The following NOX3 variants were observed in gnomAD, a reference collection of about 807,000 sequenced individuals.
NOX3 encodes NADPH oxidase 3.
Under a neutral mutation model 76.7 loss-of-function variants are expected in NOX3, and 74 were observed. The observed-to-expected ratio is 0.96, with a 90% CI of 0.80 to 1.17. NOX3 has a LOEUF of 1.17. Among genes scored for constraint, NOX3 ranks in the 50% most tolerant of loss-of-function variants. The probability of loss-of-function intolerance (pLI) is 0.00; values close to 1 mark genes in which losing one functional copy is unlikely to be tolerated. For synonymous variants in NOX3, 263 were observed against 261.1 expected (o/e 1.01, Z -0.07); for missense variants, 695 against 703.3 (o/e 0.99, Z 0.13).
intron 11 of NOX3, among the ~76,000 whole-genome samples, chr6:155,407,776 C>T (rs535461351): frequency 3.7e-4 from 56 of 152,256 alleles, no homozygotes; most frequent in Non-Finnish European, 5.6e-4. Context: ...TGTCCAGTTT[C>T]AAGTGCTGGG....
At chr6:155,442,886 T>C (rs1228790385) in intron 5 of NOX3, among the ~76,000 whole-genome samples, 1 of 152,192 alleles carries the variant, frequency 6.6e-6, no homozygotes, top group Non-Finnish European at 1.5e-5. Flanking sequence ...AATGAAGACA[T>C]CCAATTTATA....
At position 155,420,028 on chromosome 6, in the gene NOX3, A is replaced by G. The variant is rs185801798; in HGVS notation, c.1308+2666T>C. Among the ~76,000 whole-genome samples the G allele has an allele frequency of 5.5e-3, 831 of 151,704 alleles. 8 individuals carry two copies. Among genetic ancestry groups the G allele is most frequent in the African/African-American group, 0.019 (791 of 41,418 alleles). On this transcript the variant is annotated intron_variant, in intron 10 of 13. Transcript: ENST00000159060. ...TATAGTTATCACATGTTGTATGTGT[A>G]TATATATATATGTATGAAGATATCC... is the stretch of plus-strand genomic sequence containing the variant.
chr6:155,415,352 A>G (rs796202227), intron 10 of NOX3, among the ~76,000 whole-genome samples: 19 of 152,368 alleles, frequency 1.2e-4, no homozygotes, highest in African/African-American at 4.6e-4. Context: ...CTTTCAGGCG[A>G]TTACATCTCC....
chr6:155,430,108 C>T (rs1776812946), intron 8 of NOX3, among the ~76,000 whole-genome samples: 1 of 152,184 alleles, frequency 6.6e-6, no homozygotes, highest in African/African-American at 2.4e-5. Flanking sequence ...ATTGTATTAG[C>T]AAAGTGGGAT....
rs73792892 is a variant in NOX3 at position 155,454,334 on chromosome 6, A to C, written c.255+477T>G. ...TGCTATTTTGTTTGACAGGAAGCAC[A>C]GGTAAGTTCCCAACACAGTGAAATC... On this transcript the variant is annotated intron_variant, in intron 3 of 13. Transcript: ENST00000159060. 9.8e-3 allele frequency among the ~76,000 whole-genome samples: 1,498 copies of C among 152,348 alleles called. 25 individuals carry two copies. The highest frequency in any genetic ancestry group is 0.035 in the African/African-American group (1,445 of 41,584).
intron 7 of NOX3, among the ~76,000 whole-genome samples, chr6:155,434,029 C>T (rs557144084): frequency 1.3e-5 from 2 of 152,302 alleles, no homozygotes; most frequent in Admixed American, 1.3e-4. Context: ...ACTTTCACTC[C>T]TGGTTTTTCA....
rs773335268 is a variant in NOX3, at chr6:155,411,334, A to G, written c.1335T>C (p.Asp445=). 77 of 1,613,838 alleles carry G rather than the reference A, an allele frequency of 4.8e-5. No individual in the cohort carries two copies. The highest frequency in any genetic ancestry group is 3.3e-4 in the Middle Eastern group (2 of 6,082). The change falls in exon 11 of 14, where the codon GAT becomes GAC. Residue 445 remains aspartate, a synonymous_variant. Coordinates refer to ENST00000159060, the MANE Select transcript of NOX3 (RefSeq NM_015718.3). ...CAGCAAACCACTCAAAAGCTCTTGC[A>G]TCCCGGCAAATCCAGTAGAAATACA... is the stretch of plus-strand genomic sequence containing the variant. ...SKVYFYWICR[D]ARAFEWFADL...
rs149599875 is a variant in NOX3, at chr6:155,404,613, C to T, written c.1580+2517G>A. ...CTGGTCCACGCCCTCCCTCCCCAAC[C>T]CTATGCTCAAAGTGATGCTTTTCTT... On this transcript the variant is annotated intron_variant, in intron 12 of 13. Coordinates refer to ENST00000159060, the MANE Select transcript of NOX3 (RefSeq NM_015718.3). Among the ~76,000 whole-genome samples the T allele has an allele frequency of 7.5e-3, 1,144 of 152,288 alleles. 21 individuals are homozygous for T. The highest frequency in any genetic ancestry group is 0.026 in the African/African-American group (1,067 of 41,560).
chr6:155,415,428 A>G (rs765937536), intron 10 of NOX3, among the ~76,000 whole-genome samples: 40 of 152,356 alleles, frequency 2.6e-4, no homozygotes, highest in Admixed American at 1.4e-3. Context: ...CACAAATGCA[A>G]TCTGTATGTC....
intron 10 of NOX3, among the ~76,000 whole-genome samples, chr6:155,412,370 C>T (rs1327763294): frequency 3.9e-5 from 6 of 152,164 alleles, no homozygotes; most frequent in Non-Finnish European, 7.4e-5. Context: ...AGATCAAATT[C>T]ATGAGACAAA....
At chr6:155,449,874 C>T (rs2235674) in intron 4 of NOX3, among the ~76,000 whole-genome samples, 45,725 of 152,070 alleles carry the variant, frequency 0.3, 7,890 homozygotes, top group East Asian at 0.55. Flanking sequence ...TTCAGCTGCT[C>T]CCAAGTGAAT....
At chr6:155,441,750 T>C (rs965342469) in intron 5 of NOX3, among the ~76,000 whole-genome samples, 2 of 152,368 alleles carry the variant, frequency 1.3e-5, no homozygotes, top group East Asian at 1.9e-4. Flanking sequence ...TAATAAATAC[T>C]ATTTATTATA....
chr6:155,429,241 C>T (rs1224762797), intron 8 of NOX3, among the ~76,000 whole-genome samples, 194 bp from the exon 9 acceptor site: 1 of 152,218 alleles, frequency 6.6e-6, no homozygotes, highest in Admixed American at 6.5e-5. Context: ...AAGAATGATG[C>T]TCCTCTCCTT....
chr6:155,428,025 C>T (rs943454822), intron 9 of NOX3, among the ~76,000 whole-genome samples: 1 of 152,202 alleles, frequency 6.6e-6, no homozygotes, highest in African/African-American at 2.4e-5. Context: ...CTCAGCCACC[C>T]AGATAGCTGG....
intron 4 of NOX3, among the ~76,000 whole-genome samples, chr6:155,451,285 A>T (rs2114710653): frequency 6.6e-6 from 1 of 151,778 alleles, no homozygotes; most frequent in Non-Finnish European, 1.5e-5. Flanking sequence ...GGCCTGTATT[A>T]GTATTCTTTT....
chr6:155,455,219 A>G (rs576467611), intron 1 of NOX3, 90 bp from the exon 2 acceptor site: 3 of 753,658 alleles, frequency 4.0e-6, no homozygotes, highest in Non-Finnish European at 6.7e-6. Context: ...TTAAAGTGGA[A>G]TGAAGAGCTT....
intron 4 of NOX3, among the ~76,000 whole-genome samples, chr6:155,451,160 G>C (rs1178304960): frequency 6.6e-6 from 1 of 151,964 alleles, no homozygotes; most frequent in Non-Finnish European, 1.5e-5. Context: ...TGCATTTTTA[G>C]TAGAGACAGG....
intron 6 of NOX3, among the ~76,000 whole-genome samples, chr6:155,437,968 A>T (rs190054134): frequency 6.6e-6 from 1 of 152,244 alleles, no homozygotes; most frequent in Admixed American, 6.5e-5. Context: ...AAGCTTTTCA[A>T]CTAGGTTAAA....
At chr6:155,430,970 A>T in intron 7 of NOX3, 35 bp from the exon 8 acceptor site, 1 of 1,275,656 alleles carries the variant, frequency 7.8e-7, no homozygotes, top group Non-Finnish European at 1.1e-6. Flanking sequence ...AGAAAAAGGA[A>T]ATGAAAATAG....
Sources: gnomAD v4.1 joint callset for allele counts (sites outside exome capture counted in the v4.1 genomes callset) on GRCh38, gnomAD v4.1.1 for gene constraint, MANE v1.5 for transcripts, NCBI Gene and HGNC (gene_info 2026-07-23, HGNC 2026-07-21) for gene names.